Variants in HDAC9 observed in about 807,000 individuals in gnomAD.
The protein encoded by HDAC9 is histone deacetylase 9, also known as MEF-2 interacting transcription repressor (MITR) protein.
Under a neutral mutation model 139.4 loss-of-function variants are expected in HDAC9, and 41 were observed. The ratio of observed to expected loss-of-function variants is 0.29; its 90% CI spans 0.23 to 0.38. The LOEUF (loss-of-function observed/expected upper bound fraction) is 0.38, where lower values mean the gene tolerates loss of function less well. HDAC9 is among the 10% of genes least tolerant of loss of function. The pLI is 1.00. For missense variants in HDAC9, 1,147 were observed against 1,297.0 expected (o/e 0.88, Z 1.78); for synonymous variants, 517 against 476.2 (o/e 1.09, Z -1.12).
intron 10 of HDAC9, among the ~76,000 whole-genome samples, 169 bp downstream of exon 10, chr7:18,648,167 A>G (rs564058535): frequency 6.6e-6 from 1 of 152,232 alleles, no homozygotes; most frequent in South Asian, 2.1e-4. Context: ...TTATTCCTTC[A>G]GATCCACTTG....
chr7:18,619,430 G>C (rs1839608174), intron 6 of HDAC9, among the ~76,000 whole-genome samples: 1 of 152,134 alleles, frequency 6.6e-6, no homozygotes, highest in Non-Finnish European at 1.5e-5. Flanking sequence ...CTAAGTACTG[G>C]AAATAGACAC....
At chr7:18,524,103 A>G (rs1805999645) in intron 2 of HDAC9, among the ~76,000 whole-genome samples, 2 of 152,166 alleles carry the variant, frequency 1.3e-5, no homozygotes, top group East Asian at 1.9e-4. Context: ...AGCTATTCTC[A>G]GGATAGGTAC....
At chr7:18,568,955 G>A (rs1823366051) in intron 2 of HDAC9, among the ~76,000 whole-genome samples, 1 of 152,108 alleles carries the variant, frequency 6.6e-6, no homozygotes, top group Non-Finnish European at 1.5e-5. Context: ...GCTGAGGCAG[G>A]AGAATCGCTT....
At chr7:18,511,255 CT>C (rs1235503051) in intron 2 of HDAC9, among the ~76,000 whole-genome samples, 1 of 152,156 alleles carries the variant, frequency 6.6e-6, no homozygotes, top group East Asian at 1.9e-4. Flanking sequence ...CGTAGTACCC[CT>C]AGTCTCTCAC....
At chr7:18,215,417 A>G (rs374806090) in intron 2 of HDAC9, among the ~76,000 whole-genome samples, 2 of 152,204 alleles carry the variant, frequency 1.3e-5, no homozygotes, top group South Asian at 2.1e-4. Flanking sequence ...GTAAGGTCCT[A>G]TAGTTGGTGT....
chr7:18,315,765 G>A (rs189837907), intron 1 of HDAC9, among the ~76,000 whole-genome samples: 1 of 152,132 alleles, frequency 6.6e-6, no homozygotes, highest in African/African-American at 2.4e-5. Flanking sequence ...TCCTCTACCT[G>A]CTCAGTCTAA....
chr7:18,155,122 A>G (rs111489363), intron 1 of HDAC9, among the ~76,000 whole-genome samples: 189 of 136,616 alleles, frequency 1.4e-3, no homozygotes, highest in African/African-American at 5.5e-3. Flanking sequence ...CCTCTTTGCC[A>G]TGACTGAAAA....
intron 17 of HDAC9, among the ~76,000 whole-genome samples, chr7:18,816,775 A>G (rs1168866955): frequency 3.9e-5 from 6 of 152,206 alleles, no homozygotes. Flanking sequence ...TGACTTCAAC[A>G]AAGACACTGT....
At chr7:18,719,533 T>C (rs551298526) in intron 12 of HDAC9, among the ~76,000 whole-genome samples, 1 of 152,142 alleles carries the variant, frequency 6.6e-6, no homozygotes, top group African/African-American at 2.4e-5. Flanking sequence ...TGAGATGTGG[T>C]TTCACCACGT....
chr7:18,745,860 T>A (rs1426095044), intron 13 of HDAC9, among the ~76,000 whole-genome samples: 20 of 150,552 alleles, frequency 1.3e-4, no homozygotes. Context: ...TCTCTACTCT[T>A]GAAGAATATA....
chr7:18,648,546 C>T lies in HDAC9; in HGVS notation c.1330C>T (p.Pro444Ser). Residue 444 changes from proline (P) to serine (S), a missense_variant, in exon 11 of 26, where the codon CCC (proline) becomes TCC (serine). Transcript: ENST00000686413. ...TGGCATTAGAGGTACCCACAAATTG[C>T]CCCGTCACAGACCCCTGAACCGAAC... The part of the protein sequence containing the change: ...SPGIRGTHKL[P>S]RHRPLNRTQS... 1 of 1,613,620 alleles carries T rather than the reference C, an allele frequency of 6.2e-7. No individual in the cohort carries two copies. The highest frequency in any genetic ancestry group is 1.7e-5 in the Admixed American group (1 of 59,988).
At chr7:18,919,757 A>G (rs1033885433) in intron 22 of HDAC9, among the ~76,000 whole-genome samples, 20 of 151,966 alleles carry the variant, frequency 1.3e-4, no homozygotes, top group African/African-American at 4.8e-4. Flanking sequence ...GCAAATCAAA[A>G]TCTGACTGTC....
At chr7:18,899,885 A>T (rs1441297024) in intron 22 of HDAC9, among the ~76,000 whole-genome samples, 1 of 152,116 alleles carries the variant, frequency 6.6e-6, no homozygotes. Context: ...TATCAGAAAA[A>T]TTCAAATTTC....
At chr7:18,653,792 A>G in intron 11 of HDAC9, among the ~76,000 whole-genome samples, 1 of 152,140 alleles carries the variant, frequency 6.6e-6, no homozygotes, top group East Asian at 1.9e-4. Context: ...AGCTTTTGGA[A>G]GAGAATTTGA....
At chr7:18,348,946 C>A (rs1026615150) in intron 1 of HDAC9, among the ~76,000 whole-genome samples, 8 of 152,030 alleles carry the variant, frequency 5.3e-5, no homozygotes, top group Non-Finnish European at 1.0e-4. Flanking sequence ...ATTGAGACAG[C>A]ATCTTATAGG....
chr7:18,522,324 A>G (rs1805313681), intron 2 of HDAC9, among the ~76,000 whole-genome samples: 1 of 152,176 alleles, frequency 6.6e-6, no homozygotes, highest in African/African-American at 2.4e-5. Flanking sequence ...GTGGGGATAG[A>G]CGTTTTAACA....
chr7:18,506,144 CATG>C (rs907631709), intron 2 of HDAC9: 101 of 152,326 alleles, frequency 6.6e-4, no homozygotes, highest in African/African-American at 2.4e-3. Context: ...GCCAAAATAG[CATG>C]ATAACTGTCT....
At chr7:18,481,278 C>A (rs891463728) in intron 1 of HDAC9, among the ~76,000 whole-genome samples, 1 of 152,076 alleles carries the variant, frequency 6.6e-6, no homozygotes, top group Non-Finnish European at 1.5e-5. Flanking sequence ...TGCTTATAAT[C>A]CCATCATCTC....
At chr7:18,113,610 C>T (rs768708391) in intron 1 of HDAC9, among the ~76,000 whole-genome samples, 12 of 152,198 alleles carry the variant, frequency 7.9e-5, no homozygotes, top group Non-Finnish European at 2.9e-5. Context: ...ACATGACTTT[C>T]TTCAGCATTA....
Sources: gnomAD v4.1 joint callset for allele counts (sites outside exome capture counted in the v4.1 genomes callset) on GRCh38, gnomAD v4.1.1 for gene constraint, MANE v1.5 for transcripts, NCBI Gene and HGNC (gene_info 2026-07-23, HGNC 2026-07-21) for gene names.